Variants in MRPL20 observed in about 807,000 individuals in gnomAD.
The protein encoded by MRPL20 is mitochondrial ribosomal protein L20, also known as large ribosomal subunit protein bL20m.
MRPL20 carries 21 observed loss-of-function variants against 20.0 expected under a neutral mutation model. That is an observed-to-expected ratio of 1.05 (90% CI 0.74 to 1.51). The LOEUF (loss-of-function observed/expected upper bound fraction) is 1.51, where lower values mean the gene tolerates loss of function less well. Ranked by LOEUF, MRPL20 falls within the 40% of genes most tolerant of loss-of-function variation. The probability of loss-of-function intolerance (pLI) is 0.00; values close to 1 mark genes in which losing one functional copy is unlikely to be tolerated. For synonymous variants in MRPL20, 104 were observed against 73.0 expected, an observed-to-expected ratio of 1.43 and a Z score of -2.17; for missense variants, 252 against 185.6, an observed-to-expected ratio of 1.36 and a Z score of -2.08.
chr1:1,405,673 C>T, intron 3 of MRPL20, 136 bp downstream of exon 3: 1 of 1,486,158 alleles, frequency 6.7e-7, no homozygotes, highest in Non-Finnish European at 9.4e-7. Flanking sequence ...CAAACTACAG[C>T]CCAGAAGTCA....
At position 1,402,271 on chromosome 1, in the gene MRPL20, A is replaced by C. The variant is rs1465128555; in HGVS notation, c.277-15T>G. Reference sequence around the variant, plus strand: ...TCCACCTGGCACTGAAAAAAGAATGAATCAGAACCTGCTGTCAGTGTGAGA... The same window carrying C: ...TCCACCTGGCACTGAAAAAAGAATGCATCAGAACCTGCTGTCAGTGTGAGA... On this transcript the variant is annotated splice_polypyrimidine_tract_variant and intron_variant, in intron 3 of 3. Coordinates refer to ENST00000344843, the MANE Select transcript of MRPL20 (RefSeq NM_017971.4). 1 of 1,600,478 alleles carries C rather than the reference A, an allele frequency of 6.2e-7. No individual in the cohort carries two copies. The highest frequency in any genetic ancestry group is 1.1e-5 in the South Asian group (1 of 89,792).
At position 1,405,875 on chromosome 1, in the gene MRPL20, A is replaced by T; in HGVS notation, c.210T>A (p.Asn70Lys). ...GTTCCTGGCTAGCAGCTGTAATTCG[A>T]TTAATCCAGAGCTGAAATAAGAAAA... is the stretch of plus-strand genomic sequence containing the variant. ...KKKNMRTLWI[N>K]RITAASQEHG... is the part of the protein sequence containing the mutation. Residue 70 changes from asparagine to lysine, a missense_variant, in exon 3 of 4, where the codon AAT becomes AAA. Coordinates refer to ENST00000344843, the MANE Select transcript of MRPL20 (RefSeq NM_017971.4). 6.2e-7 allele frequency: 1 copy of T among 1,613,300 alleles called. No individual in the cohort carries two copies. Among genetic ancestry groups the T allele is most frequent in the African/African-American group, 1.3e-5 (1 of 75,038 alleles).
intron 3 of MRPL20, among the ~76,000 whole-genome samples, chr1:1,403,618 C>T (rs1392316081): frequency 1.3e-5 from 2 of 152,014 alleles, no homozygotes; most frequent in African/African-American, 2.4e-5. Context: ...CCCTGAAGAT[C>T]TTTGTAAAGC....
chr1:1,406,807 G>A (rs1645388931), intron 2 of MRPL20, 102 bp downstream of exon 2: 1 of 974,622 alleles, frequency 1.0e-6, no homozygotes, highest in Non-Finnish European at 1.7e-6. Context: ...TGAAAGGAAG[G>A]GGCTGAGGGT....
At chr1:1,403,180 CTACTACCTGTGACCTAACTG>C (rs1160426956) in intron 3 of MRPL20, among the ~76,000 whole-genome samples, 6 of 151,758 alleles carry the variant, frequency 4.0e-5, no homozygotes, top group African/African-American at 9.7e-5. Flanking sequence ...ACAAAGTGGC[CTACTACCTGTGACCTAACTG>C]TACTACCTGT....
rs1009825057 is a variant in MRPL20 at position 1,403,885 on chromosome 1, A to G, written c.277-1629T>C. Among the ~76,000 whole-genome samples the G allele has an allele frequency of 2.0e-5, 3 of 152,344 alleles. No individual in the cohort carries two copies. The East Asian group carries it at 5.8e-4, about 29-fold the overall frequency. On this transcript the variant is annotated intron_variant, in intron 3 of 3. Coordinates refer to ENST00000344843, the MANE Select transcript of MRPL20 (RefSeq NM_017971.4). ...GAGACACAGTCACACACTGTCGCCC[A>G]CGCTGGAGTACACTGGTGTGATCTC...
At chr1:1,404,312 C>A (rs988266396) in intron 3 of MRPL20, among the ~76,000 whole-genome samples, 2 of 152,008 alleles carry the variant, frequency 1.3e-5, no homozygotes, top group Non-Finnish European at 2.9e-5. Flanking sequence ...CGCCACCACG[C>A]CTGGCTAATT....
rs188734896 is a variant in MRPL20 at position 1,403,389 on chromosome 1, G to T, written c.277-1133C>A. Among the ~76,000 whole-genome samples, 540 of 151,652 alleles carry T rather than the reference G, an allele frequency of 3.6e-3. 3 individuals are homozygous for T. The highest frequency in any genetic ancestry group is 0.012 in the African/African-American group (508 of 41,436). On this transcript the variant is annotated intron_variant, in intron 3 of 3. Transcript: ENST00000344843. ...CTCACAAGTAGCTGGGACTACAGGT[G>T]CCCGCCACCGCACCTGGCTACTTTT...
At chr1:1,405,712 C>A (rs751746145) in intron 3 of MRPL20, 97 bp downstream of exon 3, 1 of 1,603,522 alleles carries the variant, frequency 6.2e-7, no homozygotes, top group Non-Finnish European at 8.5e-7. Context: ...GCCTCAGCCT[C>A]CTGATTAGCT....
At chr1:1,402,501 T>A in intron 3 of MRPL20, 1 of 1,253,100 alleles carries the variant, frequency 8.0e-7, no homozygotes, top group South Asian at 2.5e-5. Context: ...AGTCCTGATG[T>A]CGGCCCGGGG....
rs1216877520 is a variant in MRPL20 at position 1,401,917 on chromosome 1, G to GT, written c.*165dup. The GT allele has an allele frequency of 1.7e-5, 14 of 807,112 alleles. No individual in the cohort carries two copies. The highest frequency in any genetic ancestry group is 7.8e-5 in the East Asian group (3 of 38,322). 50.0% of individuals were successfully genotyped at this position (807,112 alleles called of 1,614,324 possible). A position where few individuals can be genotyped will look rare whatever the true frequency, so the allele number is the denominator to read the frequency against. On this transcript the variant is annotated 3_prime_UTR_variant, in exon 4 of 4. Coordinates refer to ENST00000344843, the MANE Select transcript of MRPL20 (RefSeq NM_017971.4). The stretch of plus-strand genomic sequence containing the variant: ...AAAATGACTCTAAAAACTGAAGAGT[G>GT]TTTGAGTTTCATTCACACAAAACAT...
At chr1:1,406,653 G>C in intron 2 of MRPL20, 1 of 528,442 alleles carries the variant, frequency 1.9e-6, no homozygotes, top group Non-Finnish European at 3.4e-6. Context: ...GCGACGCAGG[G>C]AGAGTGTCAA....
intron 2 of MRPL20, chr1:1,406,683 G>A: frequency 1.8e-6 from 1 of 569,516 alleles, no homozygotes; most frequent in Non-Finnish European, 3.2e-6. Flanking sequence ...GCAGTGGCCC[G>A]GGCGAGGGGC....
chr1:1,405,283 C>T, intron 3 of MRPL20: 1 of 224,258 alleles, frequency 4.5e-6, no homozygotes. Flanking sequence ...CCATGGCTTT[C>T]TTTATTCTGT....
rs1220732053 is a variant in MRPL20 at position 1,407,227 on chromosome 1, A to T, written c.-10T>A. ...CGGTGAGGAAGACCATGGCGCCTGC[A>T]GGCCGGCGTCCCGAACACTCAACAA... On this transcript the variant is annotated 5_prime_UTR_variant, in exon 1 of 4. Transcript: ENST00000344843. 1.3e-6 allele frequency: 2 copies of T among 1,589,830 alleles called. No homozygotes were observed. The highest frequency in any genetic ancestry group is 3.6e-5 in the Admixed American group (2 of 55,978).
chr1:1,406,045 T>G (rs1645380930), intron 2 of MRPL20, 159 bp from the exon 3 acceptor site: 1 of 1,120,334 alleles, frequency 8.9e-7, no homozygotes, highest in East Asian at 2.6e-5. Context: ...ATCAAGACCC[T>G]GTTTCAAAAT....
intron 1 of MRPL20, 38 bp downstream of exon 1, chr1:1,407,093 C>G (rs761073310): frequency 5.6e-6 from 9 of 1,608,984 alleles, no homozygotes; most frequent in Non-Finnish European, 6.8e-6. Flanking sequence ...CGGGATACCC[C>G]GGGCGCCCAG....
intron 3 of MRPL20, among the ~76,000 whole-genome samples, chr1:1,403,576 G>C (rs890692049): frequency 6.6e-6 from 1 of 152,000 alleles, no homozygotes; most frequent in African/African-American, 2.4e-5. Flanking sequence ...AGTTCCCTGA[G>C]TAAAATGGGA....
rs1645336174 is a variant in MRPL20 at position 1,402,132 on chromosome 1, T to C, written c.401A>G (p.Asp134Gly). The C allele has an allele frequency of 3.7e-6, 6 of 1,614,034 alleles. No individual in the cohort carries two copies. The highest frequency in any genetic ancestry group is 5.1e-6 in the Non-Finnish European group (6 of 1,179,996). Residue 134 changes from aspartate (D) to glycine (G), a missense_variant, in exon 4 of 4, where the codon GAT (aspartate) becomes GGT (glycine). By Grantham distance (94) the Asp-to-Gly change is moderately conservative (BLOSUM62 -1). Transcript: ENST00000344843. ...AAAAATGCCTTCAGGTTCCTTCCCA[T>C]CCCCCAAGGCAGCAGCAAATCCTTC... is the stretch of plus-strand genomic sequence containing the variant. ...RHEGFAAALG[D>G]GKEPEGIFSR... is the part of the protein sequence containing the mutation.
Sources: allele counts gnomAD v4.1 joint callset (sites outside exome capture counted in the v4.1 genomes callset), GRCh38; gene constraint gnomAD v4.1.1; transcripts MANE v1.5; gene names NCBI Gene and HGNC (gene_info 2026-07-23, HGNC 2026-07-21).